The following BABAM2 variants were observed in gnomAD, a reference collection of about 807,000 sequenced individuals.
BABAM2 encodes BRISC and BRCA1-A complex member 2.
In BABAM2, 31 loss-of-function variants were observed where a neutral mutation model predicts 54.7. The observed-to-expected ratio is 0.57, with a 90% CI of 0.43 to 0.77. The LOEUF (loss-of-function observed/expected upper bound fraction) is 0.77. BABAM2 is among the 30% of genes least tolerant of loss of function. The pLI is 0.00. For synonymous variants in BABAM2, 167 were observed against 162.9 expected, an observed-to-expected ratio of 1.03 and a Z score of -0.19; for missense variants, 364 against 455.8, an observed-to-expected ratio of 0.80 and a Z score of 1.83.
intron 11 of BABAM2, among the ~76,000 whole-genome samples, chr2:28,335,025 A>T (rs1203964404): frequency 6.6e-6 from 1 of 152,154 alleles, no homozygotes; most frequent in African/African-American, 2.4e-5. Context: ...TCACAAGTGG[A>T]TGGAAGAGGG....
At chr2:28,289,770 G>A (rs1430810654) in intron 10 of BABAM2, among the ~76,000 whole-genome samples, 2 of 152,078 alleles carry the variant, frequency 1.3e-5, no homozygotes, top group African/African-American at 4.8e-5. Context: ...CACCCCGTGT[G>A]ACAGAGAGAC....
chr2:28,259,997 T>C (rs537053476), intron 10 of BABAM2, among the ~76,000 whole-genome samples: 1 of 152,188 alleles, frequency 6.6e-6, no homozygotes, highest in East Asian at 1.9e-4. Flanking sequence ...TCTTCCCGTA[T>C]TCAAGTAATT....
intron 9 of BABAM2, among the ~76,000 whole-genome samples, chr2:28,244,305 GT>G (rs1208191719): frequency 6.6e-6 from 1 of 152,190 alleles, no homozygotes. Context: ...ATATTACTAT[GT>G]AGTGCCCAGT....
At chr2:28,026,806 A>C (rs1363433475) in intron 5 of BABAM2, among the ~76,000 whole-genome samples, 1 of 94,672 alleles carries the variant, frequency 1.1e-5, no homozygotes, top group African/African-American at 4.9e-5. Context: ...TATATAAAAA[A>C]TATATAAATA....
At chr2:28,108,346 C>T (rs79701633) in intron 6 of BABAM2, among the ~76,000 whole-genome samples, 3,281 of 152,160 alleles carry the variant, frequency 0.022, 114 homozygotes, top group African/African-American at 0.073. Flanking sequence ...TAATAGCTTC[C>T]CTGGAGAATT....
At chr2:28,090,237 A>G (rs1346087266) in intron 6 of BABAM2, among the ~76,000 whole-genome samples, 2 of 152,128 alleles carry the variant, frequency 1.3e-5, no homozygotes, top group Non-Finnish European at 2.9e-5. Flanking sequence ...TCCTTGAGAA[A>G]GGTAAATTAT....
At chr2:27,972,891 C>T (rs755327400) in intron 3 of BABAM2, among the ~76,000 whole-genome samples, 2 of 151,246 alleles carry the variant, frequency 1.3e-5, no homozygotes, top group South Asian at 2.1e-4. Context: ...CTCAGCCTTC[C>T]GAGTAGCTGG....
chr2:28,198,063 G>A (rs1391572588), intron 7 of BABAM2, among the ~76,000 whole-genome samples: 4 of 152,142 alleles, frequency 2.6e-5, no homozygotes, highest in Non-Finnish European at 4.4e-5. Flanking sequence ...AAGGTAATCT[G>A]TGCTACAGAG....
chr2:28,303,713 GC>G (rs199620434), intron 11 of BABAM2, among the ~76,000 whole-genome samples: 3 of 149,006 alleles, frequency 2.0e-5, no homozygotes, highest in African/African-American at 7.4e-5. Flanking sequence ...CCACTCCAAC[GC>G]CCCCCCCACC....
chr2:28,009,356 A>G (rs574937065), intron 4 of BABAM2, among the ~76,000 whole-genome samples: 1 of 152,266 alleles, frequency 6.6e-6, no homozygotes, highest in African/African-American at 2.4e-5. Flanking sequence ...GGGAAATATC[A>G]GCCTTCCCTG....
intron 6 of BABAM2, among the ~76,000 whole-genome samples, chr2:28,086,053 CAG>C (rs1298838302): frequency 1.3e-5 from 2 of 152,132 alleles, no homozygotes; most frequent in Non-Finnish European, 2.9e-5. Context: ...AAAAAGATAA[CAG>C]TACATATTTT....
At chr2:28,281,453 A>AC (rs528767735) in intron 10 of BABAM2, among the ~76,000 whole-genome samples, 28 of 151,450 alleles carry the variant, frequency 1.8e-4, no homozygotes, top group East Asian at 5.8e-4. Flanking sequence ...AGTAAATGTG[A>AC]CCCCCCCGAG....
chr2:27,920,376 A>C (rs573127057), intron 2 of BABAM2, among the ~76,000 whole-genome samples: 83 of 152,252 alleles, frequency 5.5e-4, no homozygotes, highest in African/African-American at 2.0e-3. Flanking sequence ...ATGTTAAGAT[A>C]CCCTTTGTCA....
chr2:28,192,938 C>T (rs1043385784), intron 7 of BABAM2, among the ~76,000 whole-genome samples: 4 of 151,598 alleles, frequency 2.6e-5, no homozygotes, highest in South Asian at 2.1e-4. Flanking sequence ...TTTGGGAGGC[C>T]GAGATGGGTG....
rs182046255 is a variant in BABAM2, at chr2:28,119,909, T to C, written c.571-9362T>C. Among the ~76,000 whole-genome samples the C allele has an allele frequency of 7.2e-4, 109 of 152,306 alleles. 1 individual carries two copies. The highest frequency in any genetic ancestry group is 2.6e-3 in the African/African-American group (108 of 41,574). ...CCTTTCCTGACCTGACAATCAGTGC[T>C]TCTTATTTTCACTGAATATAGTTAG... On this transcript the variant is annotated intron_variant, in intron 6 of 11. Transcript: ENST00000379624.
chr2:28,145,069 G>A (rs1215663022), intron 7 of BABAM2, among the ~76,000 whole-genome samples: 1 of 152,216 alleles, frequency 6.6e-6, no homozygotes, highest in African/African-American at 2.4e-5. Flanking sequence ...TCTGGGTGTG[G>A]TTTTAGGAAC....
chr2:27,971,142 G>T (rs1006356928), intron 3 of BABAM2, among the ~76,000 whole-genome samples: 1 of 152,072 alleles, frequency 6.6e-6, no homozygotes, highest in African/African-American at 2.4e-5. Flanking sequence ...TCTGTGAAGT[G>T]ACACTTTGGG....
At chr2:28,260,941 CT>C (rs34766123) in intron 10 of BABAM2, among the ~76,000 whole-genome samples, 73,310 of 110,374 alleles carry the variant, frequency 0.66, 22,357 homozygotes, top group East Asian at 0.79. Flanking sequence ...CATTTTCTTT[CT>C]TTTTTTTTTT....
intron 7 of BABAM2, among the ~76,000 whole-genome samples, chr2:28,179,837 T>C (rs955888724): frequency 3.3e-5 from 5 of 152,096 alleles, no homozygotes; most frequent in African/African-American, 1.2e-4. Flanking sequence ...AATAATGAAG[T>C]GGCTGAGGAA....
Sources: gnomAD v4.1 joint callset for allele counts (sites outside exome capture counted in the v4.1 genomes callset) on GRCh38, gnomAD v4.1.1 for gene constraint, MANE v1.5 for transcripts, NCBI Gene and HGNC (gene_info 2026-07-23, HGNC 2026-07-21) for gene names.